The following RGPD4 variants were observed in gnomAD, a reference collection of about 807,000 sequenced individuals.
RGPD4 encodes ranBP2-like and GRIP domain-containing protein 4.
In RGPD4, 84 loss-of-function variants were observed where a neutral mutation model predicts 141.1. The ratio of observed to expected loss-of-function variants is 0.60; its 90% CI spans 0.50 to 0.71. The LOEUF (loss-of-function observed/expected upper bound fraction) is 0.71. Among genes scored for constraint, RGPD4 ranks in the 30% least tolerant of loss-of-function variants. RGPD4 has a pLI of 0.00. For missense variants in RGPD4, 918 were observed against 1,622.4 expected (o/e 0.57, Z 7.46); for synonymous variants, 298 against 566.8 (o/e 0.53, Z 6.74).
At chr2:107,854,054 C>CTTT (rs1052579812) in intron 7 of RGPD4, among the ~76,000 whole-genome samples, 2,543 of 125,756 alleles carry the variant, frequency 0.02, 121 homozygotes, top group African/African-American at 0.078. Context: ...TGGCCCCTCT[C>CTTT]TTTTTTTTTT....
Position 107,872,800 on chromosome 2 carries a change from C to G in RGPD4, c.4796C>G (p.Pro1599Arg). ...AQSGSESKVE[P>R]KKCELSKNSD... ...AGTGGATCTGAAAGCAAAGTGGAAC[C>G]TAAAAAATGTGAACTGTCAAAGAAC... The change falls in exon 20 of 23, where the codon CCT (proline) becomes CGT (arginine). Residue 1599 changes from proline (P) to arginine (R), a missense_variant. Pro to Arg is a moderately radical substitution (Grantham distance 103). Transcript: ENST00000408999. 1 of 1,610,382 alleles carries G rather than the reference C, an allele frequency of 6.2e-7. No homozygotes were observed. The highest frequency in any genetic ancestry group is 8.5e-7 in the Non-Finnish European group (1 of 1,179,682).
At chr2:107,830,572 C>T in intron 1 of RGPD4, among the ~76,000 whole-genome samples, 1 of 151,966 alleles carries the variant, frequency 6.6e-6, no homozygotes. Context: ...AAGTCATTTA[C>T]ATTAGAACCT....
chr2:107,886,674 C>A (rs1417036189), intron 22 of RGPD4, among the ~76,000 whole-genome samples: 3 of 152,046 alleles, frequency 2.0e-5, no homozygotes, highest in African/African-American at 4.8e-5. Context: ...ACTAGGGGGG[C>A]ATTTTGTTAC....
rs1262178770 is a variant in RGPD4 at position 107,829,534 on chromosome 2, G to C, written c.72+2449G>C. Among the ~76,000 whole-genome samples the C allele has an allele frequency of 1.5e-5, 2 of 137,310 alleles. 1 individual carries two copies. Among genetic ancestry groups the C allele is most frequent in the African/African-American group, 6.2e-5 (2 of 32,184 alleles). The allele number at this position is 137,310 out of a possible 152,430, so 90.1% of individuals were successfully genotyped here. A position where few individuals can be genotyped will look rare whatever the true frequency, so the allele number is the denominator to read the frequency against. ...CTCCCTGGCGCGCTCTGTTGAGGCGGCGGCCTCGACCTGGCCCGGCGGCGG... is the reference window on the plus strand; with the variant it reads ...CTCCCTGGCGCGCTCTGTTGAGGCGCCGGCCTCGACCTGGCCCGGCGGCGG... On this transcript the variant is annotated intron_variant, in intron 1 of 22. Transcript: ENST00000408999.
At chr2:107,834,572 G>T (rs1470418803) in intron 1 of RGPD4, among the ~76,000 whole-genome samples, 2 of 152,132 alleles carry the variant, frequency 1.3e-5, no homozygotes, top group Non-Finnish European at 2.9e-5. Context: ...CAGATCAGTT[G>T]TTGGAGTATT....
At chr2:107,836,549 A>G (rs1681671324) in intron 1 of RGPD4, 53 bp from the exon 2 acceptor site, 8 of 1,444,662 alleles carry the variant, frequency 5.5e-6, no homozygotes, top group Admixed American at 4.4e-5. Context: ...TTTTGAAAAA[A>G]TGTTGGAAAA....
chr2:107,880,274 T>TTTC lies in RGPD4; in HGVS notation c.5064+169_5064+170insCTT, dbSNP rs1266975457. On this transcript the variant is annotated intron_variant, in intron 21 of 22. Transcript: ENST00000408999. The stretch of plus-strand genomic sequence containing the variant: ...GAAATATTGCCTTTTTTTTTTTTTT[T>TTTC]TTTTTTTTTGAGACAGTCTTGCTTT... 1.5e-3 allele frequency among the ~76,000 whole-genome samples: 199 copies of TTTC among 131,072 alleles called. 1 individual carries two copies. The highest frequency in any genetic ancestry group is 2.7e-3 in the Non-Finnish European group (169 of 62,228). The allele number at this position is 131,072 out of a possible 152,430, so 86.0% of individuals were successfully genotyped here. A position where few individuals can be genotyped will look rare whatever the true frequency, so the allele number is the denominator to read the frequency against.
At chr2:107,881,793 CT>C (rs957166525) in intron 21 of RGPD4, among the ~76,000 whole-genome samples, 1 of 151,436 alleles carries the variant, frequency 6.6e-6, no homozygotes, top group Non-Finnish European at 1.5e-5. Context: ...TCCTCAAAGA[CT>C]TGAACATGAT....
rs1245066143 is a variant in RGPD4, at chr2:107,892,194, T to C, written c.*1463T>C. 1.9e-3 allele frequency among the ~76,000 whole-genome samples: 100 copies of C among 53,148 alleles called. 43 individuals are homozygous for C. Among genetic ancestry groups the C allele is most frequent in the Middle Eastern group, 0.024 (2 of 82 alleles). The allele number at this position is 53,148 out of a possible 152,430, so 34.9% of individuals were successfully genotyped here. A position where few individuals can be genotyped will look rare whatever the true frequency, so the allele number is the denominator to read the frequency against. On this transcript the variant is annotated 3_prime_UTR_variant, in exon 23 of 23. Transcript: ENST00000408999. ...AATATCTCATATGTCTCGTCTTTCC[T>C]CCTTAGAAGAACAGACCTAACTAGC...
intron 20 of RGPD4, among the ~76,000 whole-genome samples, chr2:107,874,986 A>G (rs1683048737): frequency 8.7e-6 from 1 of 115,548 alleles, no homozygotes; most frequent in South Asian, 3.2e-4. Context: ...CAATAGAAAT[A>G]AAATATTACC....
At position 107,859,494 on chromosome 2, in the gene RGPD4, G is replaced by A; in HGVS notation, c.1574G>A (p.Cys525Tyr). The change falls in exon 11 of 23, where the codon TGT becomes TAT. Residue 525 changes from cysteine to tyrosine, a missense_variant. Transcript: ENST00000408999. ...CCCCTTCCTGTATGTAAACAGCTTT[G>A]TACAGAAAGACAAAAATCTTGGTGG... ...CLPLPVCKQL[C>Y]TERQKSWWDA... 4 of 1,611,174 alleles carry A rather than the reference G, an allele frequency of 2.5e-6. No homozygotes were observed. The highest frequency in any genetic ancestry group is 3.4e-6 in the Non-Finnish European group (4 of 1,179,828).
rs780184688 is a variant in RGPD4 at position 107,859,723 on chromosome 2, C to T, written c.1636C>T (p.Pro546Ser). The T allele has an allele frequency of 6.9e-5, 111 of 1,611,058 alleles. 1 individual carries two copies. The South Asian group carries it at 1.2e-3, about 17-fold the overall frequency. The change falls in exon 12 of 23, where the codon CCT (proline) becomes TCT (serine). Residue 546 changes from proline to serine, a missense_variant and splice_region_variant. Transcript: ENST00000408999. ...VCTLIHRKAVPGNSAKLRLLV... is the reference protein window; with the variant it reads ...VCTLIHRKAVSGNSAKLRLLV... ...TTAGTAAATTGAACTATTTTTTAGA[C>T]CTGGAAACTCAGCAAAATTGAGACT... is the stretch of plus-strand genomic sequence containing the variant.
chr2:107,832,734 G>C (rs953114185), intron 1 of RGPD4, among the ~76,000 whole-genome samples: 16 of 151,830 alleles, frequency 1.1e-4, no homozygotes, highest in Admixed American at 6.6e-4. Context: ...TTCTGAGTTT[G>C]AAATAATTTT....
At chr2:107,876,525 T>C (rs1683097058) in intron 20 of RGPD4, among the ~76,000 whole-genome samples, 1 of 151,346 alleles carries the variant, frequency 6.6e-6, no homozygotes, top group South Asian at 2.1e-4. Context: ...ACTGAATGTG[T>C]AGAACTGCAT....
chr2:107,829,808 G>C (rs545328642), intron 1 of RGPD4, among the ~76,000 whole-genome samples: 1 of 152,102 alleles, frequency 6.6e-6, no homozygotes, highest in South Asian at 2.1e-4. Context: ...TTCTGGCCCC[G>C]TAGTACCCGC....
chr2:107,875,736 A>G (rs893180900), intron 20 of RGPD4, among the ~76,000 whole-genome samples: 1 of 109,812 alleles, frequency 9.1e-6, no homozygotes, highest in Admixed American at 1.2e-4. Context: ...TTTATCTAGT[A>G]TCATGCTTGA....
At chr2:107,854,815 C>A (rs988454583) in intron 8 of RGPD4, among the ~76,000 whole-genome samples, 172 bp downstream of exon 8, 1 of 151,882 alleles carries the variant, frequency 6.6e-6, no homozygotes, top group Non-Finnish European at 1.5e-5. Flanking sequence ...ATAGCACATT[C>A]TTTTAAAAAA....
intron 15 of RGPD4, 89 bp downstream of exon 15, chr2:107,861,829 A>T: frequency 6.3e-7 from 1 of 1,589,720 alleles, no homozygotes; most frequent in Non-Finnish European, 8.6e-7. Context: ...TAATTTCAAA[A>T]ATACTCAGTA....
intron 22 of RGPD4, among the ~76,000 whole-genome samples, chr2:107,886,546 T>C (rs1452167931): frequency 6.7e-6 from 1 of 150,150 alleles, no homozygotes; most frequent in Non-Finnish European, 1.5e-5. Flanking sequence ...TTCTTAATGA[T>C]GTACTTCAAG....
Sources: allele counts gnomAD v4.1 joint callset (sites outside exome capture counted in the v4.1 genomes callset), GRCh38; gene constraint gnomAD v4.1.1; transcripts MANE v1.5; gene names NCBI Gene and HGNC (gene_info 2026-07-23, HGNC 2026-07-21).